Variants in CCDC144A observed in about 807,000 individuals in gnomAD.
CCDC144A encodes the protein coiled-coil domain containing 144A, also known as coiled-coil domain-containing protein 144A.
In CCDC144A, 41 loss-of-function variants were observed where a neutral mutation model predicts 143.8. The observed-to-expected ratio is 0.29, with a 90% CI of 0.22 to 0.37. CCDC144A has a LOEUF of 0.37. Among genes scored for constraint, CCDC144A ranks in the 10% least tolerant of loss-of-function variants. The probability of loss-of-function intolerance (pLI) is 1.00; values close to 1 mark genes in which losing one functional copy is unlikely to be tolerated. For missense variants in CCDC144A, 637 were observed against 1,488.8 expected (o/e 0.43, Z 9.41); for synonymous variants, 242 against 517.9 (o/e 0.47, Z 7.23).
intron 8 of CCDC144A, 134 bp downstream of exon 8, chr17:16,720,792 A>G: frequency 3.5e-6 from 5 of 1,434,612 alleles, no homozygotes; most frequent in East Asian, 4.9e-5. Flanking sequence ...GAACTAACTT[A>G]TACTCTACGC....
chr17:16,734,696 C>T lies in CCDC144A; in HGVS notation c.2425C>T (p.His809Tyr). The change falls in exon 12 of 17, where the codon CAT becomes TAT. Residue 809 changes from histidine to tyrosine, a missense_variant. By Grantham distance (83) the His-to-Tyr change is moderately conservative. Transcript: ENST00000399273. ...ARKKMNSEISHRHQKEKDLFH... is the reference protein window; with the variant it reads ...ARKKMNSEISYRHQKEKDLFH... ...TGTTTCCTTTCTTACTTAGATTTCT[C>T]ATAGGCATCAGAAAGAAAAGGATCT... is the stretch of plus-strand genomic sequence containing the variant. 1.3e-5 allele frequency: 20 copies of T among 1,551,150 alleles called. No individual in the cohort carries two copies. The highest frequency in any genetic ancestry group is 1.6e-5 in the Non-Finnish European group (19 of 1,153,656).
At chr17:16,685,036 G>A (rs1597517433), upstream of CCDC144A, among the ~76,000 whole-genome samples, 1 of 152,158 alleles carries the variant, frequency 6.6e-6, no homozygotes, top group Non-Finnish European at 1.5e-5. Context: ...ACATTTTTTT[G>A]GTTTGGTTTG....
intron 13 of CCDC144A, 113 bp downstream of exon 13, chr17:16,761,831 C>T (rs1250768260): frequency 8.1e-7 from 1 of 1,240,020 alleles, no homozygotes; most frequent in Non-Finnish European, 1.1e-6. Context: ...GTTTGGTAGA[C>T]TTCTAGAAGG....
rs1400639731 is a variant in CCDC144A, at chr17:16,711,758, A to G, written c.1658A>G (p.Asn553Ser). The G allele has an allele frequency of 6.3e-7, 1 of 1,595,230 alleles. No individual in the cohort carries two copies. The highest frequency in any genetic ancestry group is 1.3e-5 in the African/African-American group (1 of 74,668). ...CTAACTGATGGTACTACTGTTGGCA[A>G]TGATGATGATGGACTAAATCAGCAG... ...GTLTDGTTVG[N>S]DDDGLNQQIP... The change falls in exon 6 of 17, where the codon AAT (asparagine) becomes AGT (serine). Residue 553 changes from asparagine to serine, a missense_variant. Coordinates refer to ENST00000399273, the MANE Select transcript of CCDC144A (RefSeq NM_001382000.1).
At chr17:16,701,982 G>C (rs1911761485) in intron 2 of CCDC144A, among the ~76,000 whole-genome samples, 2 of 151,820 alleles carry the variant, frequency 1.3e-5, no homozygotes, top group Admixed American at 1.3e-4. Context: ...GAACACTACA[G>C]GTGAATAAAT....
At chr17:16,770,817 C>T (rs1915797611) in intron 15 of CCDC144A, among the ~76,000 whole-genome samples, 1 of 151,660 alleles carries the variant, frequency 6.6e-6, no homozygotes, top group Non-Finnish European at 1.5e-5. Flanking sequence ...TCTGTGGAAC[C>T]TTAGATTTCT....
At chr17:16,699,482 T>C (rs1911602075) in intron 2 of CCDC144A, among the ~76,000 whole-genome samples, 1 of 91,786 alleles carries the variant, frequency 1.1e-5, no homozygotes, top group Non-Finnish European at 2.1e-5. Flanking sequence ...TTCACACCAT[T>C]CTCCTGCCTC....
At chr17:16,691,934 A>G (rs1192889962) in intron 1 of CCDC144A, 1 of 151,958 alleles carries the variant, frequency 6.6e-6, no homozygotes, top group Non-Finnish European at 1.5e-5. Flanking sequence ...TCATTTGACT[A>G]TTTGCTGACT....
At chr17:16,725,413 A>G (rs1913359253) in intron 8 of CCDC144A, among the ~76,000 whole-genome samples, 1 of 150,920 alleles carries the variant, frequency 6.6e-6, no homozygotes, top group Non-Finnish European at 1.5e-5. Context: ...AGCGATAACT[A>G]TTTTTTTCTA....
chr17:16,673,132 G>A, the CCDC144A span, among the ~76,000 whole-genome samples: 8 of 152,138 alleles, frequency 5.3e-5, no homozygotes, highest in Non-Finnish European at 1.0e-4. Context: ...GAGGTTGGTA[G>A]CATTTTCTTT....
intron 12 of CCDC144A, chr17:16,746,359 T>G: frequency 1.6e-6 from 2 of 1,265,940 alleles, no homozygotes; most frequent in Non-Finnish European, 2.2e-6. Context: ...TCCGTTCTTC[T>G]CGCTTCTCTT....
At chr17:16,682,036 T>C in the CCDC144A span, among the ~76,000 whole-genome samples, 1 of 152,080 alleles carries the variant, frequency 6.6e-6, no homozygotes, top group Admixed American at 6.6e-5. Context: ...ATAGTTCTCA[T>C]TATTTCCCCC....
At position 16,761,649 on chromosome 17, in the gene CCDC144A, A is replaced by G. The variant is rs779697899; in HGVS notation, c.3597A>G (p.Lys1199=). Residue 1199 remains lysine (K), a synonymous_variant, in exon 13 of 17, where the codon AAA becomes AAG. Transcript: ENST00000399273. ...AACGTGGTAAAGCTGAATGGCATAAACTGTTGATTGAAGAAAGAGCAAGGA... is the reference window on the plus strand; with the variant it reads ...AACGTGGTAAAGCTGAATGGCATAAGCTGTTGATTGAAGAAAGAGCAAGGA... ...MLERGKAEWH[K]LLIEERARKE... The G allele has an allele frequency of 6.2e-7, 1 of 1,613,628 alleles. No individual in the cohort carries two copies. Among genetic ancestry groups the G allele is most frequent in the African/African-American group, 1.3e-5 (1 of 74,940 alleles).
At chr17:16,670,626 G>A in the CCDC144A span, among the ~76,000 whole-genome samples, 1 of 151,936 alleles carries the variant, frequency 6.6e-6, no homozygotes. Context: ...TCCCACCTCA[G>A]CCTCCCAAGT....
chr17:16,693,653 T>C (rs1195784423), intron 2 of CCDC144A, among the ~76,000 whole-genome samples: 2 of 152,220 alleles, frequency 1.3e-5, no homozygotes, highest in African/African-American at 2.4e-5. Flanking sequence ...TTGTATGTTT[T>C]CTTTATAGTC....
intron 6 of CCDC144A, among the ~76,000 whole-genome samples, chr17:16,718,346 T>TA (rs1912891901): frequency 6.6e-6 from 1 of 151,846 alleles, no homozygotes; most frequent in Non-Finnish European, 1.5e-5. Flanking sequence ...TAGAAGCTTT[T>TA]AGAGTGTGTT....
chr17:16,725,704 A>G lies in CCDC144A; in HGVS notation c.1892-1823A>G, dbSNP rs553490414. Reference sequence around the variant, plus strand: ...TGCTGCTTGGGTGATGGGTGCGCCAAAATCTCAGAAACCACCACTAAAGAA... The same window carrying G: ...TGCTGCTTGGGTGATGGGTGCGCCAGAATCTCAGAAACCACCACTAAAGAA... On this transcript the variant is annotated intron_variant, in intron 8 of 16. Coordinates refer to ENST00000399273, the MANE Select transcript of CCDC144A (RefSeq NM_001382000.1). Among the ~76,000 whole-genome samples, 8 of 147,532 alleles carry G rather than the reference A, an allele frequency of 5.4e-5. No individual in the cohort carries two copies. In the South Asian group the frequency reaches 6.6e-4, roughly 12 times the overall value.
intron 12 of CCDC144A, among the ~76,000 whole-genome samples, chr17:16,748,862 G>T (rs549646555): frequency 6.6e-6 from 1 of 152,070 alleles, no homozygotes; most frequent in Non-Finnish European, 1.5e-5. Flanking sequence ...TCTAGTTTGT[G>T]TGTATACAGT....
chr17:16,702,911 G>A (rs1040635584), intron 2 of CCDC144A, among the ~76,000 whole-genome samples: 46 of 151,904 alleles, frequency 3.0e-4, no homozygotes, highest in African/African-American at 1.1e-3. Flanking sequence ...CAATATGTTA[G>A]TTGTGCTTTA....
Sources: gnomAD v4.1 joint callset for allele counts (sites outside exome capture counted in the v4.1 genomes callset) on GRCh38, gnomAD v4.1.1 for gene constraint, MANE v1.5 for transcripts, NCBI Gene and HGNC (gene_info 2026-07-23, HGNC 2026-07-21) for gene names.